PCDHGA4: variants seen among roughly 807,000 people sequenced by gnomAD.
PCDHGA4 encodes protocadherin gamma-A4.
PCDHGA4 carries 38 observed loss-of-function variants against 54.6 expected under a neutral mutation model. The observed-to-expected ratio is 0.70, with a 90% confidence interval of 0.54 to 0.91. The LOEUF is 0.91. Among genes scored for constraint, PCDHGA4 ranks in the 40% least tolerant of loss-of-function variants. PCDHGA4 has a pLI of 0.00. For missense variants in PCDHGA4, 1,298 were observed against 1,220.9 expected (o/e 1.06, Z -0.94); for synonymous variants, 511 against 512.9 (o/e 1.00, Z 0.05).
chr5:141,390,332 A>T, intron 1 of PCDHGA4: 1 of 1,600,116 alleles, frequency 6.2e-7, no homozygotes, highest in Non-Finnish European at 8.5e-7. Flanking sequence ...CCATTTCTCC[A>T]TATTCACAAG....
chr5:141,365,359 T>C, intron 1 of PCDHGA4: 1 of 1,613,920 alleles, frequency 6.2e-7, no homozygotes, highest in South Asian at 1.1e-5. Context: ...TGAATGACAA[T>C]GCCCCCGAAG....
At chr5:141,430,980 T>C in intron 1 of PCDHGA4, 1 of 1,613,618 alleles carries the variant, frequency 6.2e-7, no homozygotes, top group African/African-American at 1.3e-5. Context: ...AGGACGCAGC[T>C]TTTCGCCCTG....
intron 1 of PCDHGA4, chr5:141,361,292 T>C (rs1761961385): frequency 6.2e-7 from 1 of 1,613,976 alleles, no homozygotes; most frequent in Non-Finnish European, 8.5e-7. Flanking sequence ...TACTGCCAAG[T>C]GTTGGGAAAT....
intron 1 of PCDHGA4, chr5:141,371,423 T>C: frequency 6.2e-7 from 1 of 1,613,962 alleles, no homozygotes; most frequent in Non-Finnish European, 8.5e-7. Flanking sequence ...AAAATGACAA[T>C]GCCCCGGAGA....
At chr5:141,374,140 C>G in intron 1 of PCDHGA4, 1 of 1,609,666 alleles carries the variant, frequency 6.2e-7, no homozygotes, top group Non-Finnish European at 8.5e-7. Flanking sequence ...TCCTCACGCT[C>G]CTGGGGACGC....
intron 1 of PCDHGA4, chr5:141,385,468 A>G: frequency 1.4e-6 from 2 of 1,440,194 alleles, no homozygotes; most frequent in Non-Finnish European, 1.8e-6. Context: ...TTCAGTGGTG[A>G]CACTTTAATA....
Position 141,490,688 on chromosome 5 carries a change from C to G in PCDHGA4, c.2515-4119C>G. 1 of 1,614,218 alleles carries G rather than the reference C, an allele frequency of 6.2e-7. No individual in the cohort carries two copies. Among genetic ancestry groups the G allele is most frequent in the Non-Finnish European group, 8.5e-7 (1 of 1,180,032 alleles). On this transcript the variant is annotated intron_variant, in intron 1 of 3. Coordinates refer to ENST00000571252, the MANE Select transcript of PCDHGA4 (RefSeq NM_018917.4). The surrounding 1 kb of genome is among the most constrained non-coding windows in gnomAD (Gnocchi z 5.4). ...ACTGTGGCTGCCTCAGATCCAGACA[C>G]TGGGGATAATGCCCGCCTCACCTAC...
rs375711929 is a variant in PCDHGA4 at position 141,364,934 on chromosome 5, C to T, written c.2514+7313C>T. 6 of 1,613,896 alleles carry T rather than the reference C, an allele frequency of 3.7e-6. No individual in the cohort carries two copies. Among genetic ancestry groups the T allele is most frequent in the Non-Finnish European group, 5.1e-6 (6 of 1,179,876 alleles). On this transcript the variant is annotated intron_variant, in intron 1 of 3. Transcript: ENST00000571252. Reference sequence around the variant, plus strand: ...GCTGGTGTTGGAACAGCCCCTAGACCGCGAGAAAGAGACTGTTCACGACCT... The same window carrying T: ...GCTGGTGTTGGAACAGCCCCTAGACTGCGAGAAAGAGACTGTTCACGACCT...
intron 1 of PCDHGA4, chr5:141,409,672 T>C (rs1411780634): frequency 2.5e-6 from 4 of 1,613,458 alleles, no homozygotes; most frequent in Non-Finnish European, 2.5e-6. Flanking sequence ...TCTCCTACTC[T>C]ATAGTGGCGA....
At chr5:141,398,362 G>T (rs1422597239) in intron 1 of PCDHGA4, 5 of 1,413,346 alleles carry the variant, frequency 3.5e-6, no homozygotes, top group Admixed American at 1.9e-5. Context: ...CACCGTGAGC[G>T]CAGAGAGCGG....
chr5:141,357,646 T>C (rs763198848), intron 1 of PCDHGA4, 25 bp downstream of exon 1: 3 of 1,610,622 alleles, frequency 1.9e-6, no homozygotes, highest in Non-Finnish European at 2.5e-6. Flanking sequence ...TAATAGATCA[T>C]ACCACACTGA....
At chr5:141,418,201 A>G (rs2096236241) in intron 1 of PCDHGA4, 1 of 1,614,020 alleles carries the variant, frequency 6.2e-7, no homozygotes, top group Non-Finnish European at 8.5e-7. Flanking sequence ...AAAATCCTTT[A>G]AATATTTTTC....
chr5:141,400,709 G>A (rs1361669405), intron 1 of PCDHGA4: 1 of 696,272 alleles, frequency 1.4e-6, no homozygotes, highest in East Asian at 2.7e-5. Flanking sequence ...AAAAGAAGTA[G>A]CCTTATAGAT....
rs557968224 is a variant in PCDHGA4, at chr5:141,360,941, G to A, written c.2514+3320G>A. On this transcript the variant is annotated intron_variant, in intron 1 of 3. Coordinates refer to ENST00000571252, the MANE Select transcript of PCDHGA4 (RefSeq NM_018917.4). ...GTGCTTCAAGTGACAGCCACCGACC[G>A]GGATGAAGGCATAAACGCAGAGATC... The A allele has an allele frequency of 2.5e-6, 4 of 1,613,946 alleles. No homozygotes were observed. The South Asian group carries it at 3.3e-5, about 13-fold the overall frequency.
At position 141,408,734 on chromosome 5, in the gene PCDHGA4, T is replaced by C. The variant is rs376769558; in HGVS notation, c.2514+51113T>C. 1.5e-4 allele frequency: 244 copies of C among 1,610,058 alleles called. No homozygotes were observed. The highest frequency in any genetic ancestry group is 1.9e-4 in the Non-Finnish European group (226 of 1,177,812). On this transcript the variant is annotated intron_variant, in intron 1 of 3. Transcript: ENST00000571252. ...TTATAAGATAAACTCTAATCCTTAT[T>C]TTTCATTAATGGTTAGAGTTAATTC...
At position 141,371,777 on chromosome 5, in the gene PCDHGA4, A is replaced by G. The variant is rs368442078; in HGVS notation, c.2514+14156A>G. On this transcript the variant is annotated intron_variant, in intron 1 of 3. Coordinates refer to ENST00000571252, the MANE Select transcript of PCDHGA4 (RefSeq NM_018917.4). ...ACCAGGCCTCCTACACCGTGCATGT[A>G]GCTGAGAACAATCCGCCTGGAGCCT... The G allele has an allele frequency of 9.9e-6, 16 of 1,613,872 alleles. No individual in the cohort carries two copies. In the African/African-American group the frequency reaches 1.7e-4, roughly 17 times the overall value.
In PCDHGA4 at chr5:141,485,972, T is replaced by G; in HGVS notation, c.2515-8835T>G. ...CATGGTGCTCATCCAGCTCAATGCC[T>G]CAGACCCGGACCTGGGTCCCAGTGG... On this transcript the variant is annotated intron_variant, in intron 1 of 3. Transcript: ENST00000571252. The surrounding 1 kb of genome is among the most constrained non-coding windows in gnomAD (Gnocchi z 5.7). 1 of 1,614,184 alleles carries G rather than the reference T, an allele frequency of 6.2e-7. No individual in the cohort carries two copies. Among genetic ancestry groups the G allele is most frequent in the Non-Finnish European group, 8.5e-7 (1 of 1,180,022 alleles).
At chr5:141,456,731 G>A (rs1282690673) in intron 1 of PCDHGA4, among the ~76,000 whole-genome samples, 1 of 152,214 alleles carries the variant, frequency 6.6e-6, no homozygotes, top group Non-Finnish European at 1.5e-5. Flanking sequence ...TTGGGAGGCT[G>A]AGGCGGGAGC....
In PCDHGA4 at chr5:141,360,170, G is replaced by A; in HGVS notation, c.2514+2549G>A. ...AGCTCAGGGAGGTGCGGGCTGGTGCGGTGGCTGCAGGTACTGTTGCCCTTC... is the reference window on the plus strand; with the variant it reads ...AGCTCAGGGAGGTGCGGGCTGGTGCAGTGGCTGCAGGTACTGTTGCCCTTC... On this transcript the variant is annotated intron_variant, in intron 1 of 3. Transcript: ENST00000571252. 3.1e-6 allele frequency: 5 copies of A among 1,607,748 alleles called. No individual in the cohort carries two copies. Among genetic ancestry groups the A allele is most frequent in the South Asian group, 1.1e-5 (1 of 90,112 alleles).
Sources: gnomAD v4.1 joint callset for allele counts (sites outside exome capture counted in the v4.1 genomes callset) on GRCh38, gnomAD v4.1.1 for gene constraint, Gnocchi (gnomAD v3.1) non-coding constraint, MANE v1.5 for transcripts, NCBI Gene and HGNC (gene_info 2026-07-23, HGNC 2026-07-21) for gene names.